The following SCN10A variants were observed in gnomAD, a reference collection of about 807,000 sequenced individuals.
SCN10A encodes sodium voltage-gated channel alpha subunit 10, also known as sodium channel protein type 10 subunit alpha.
A neutral mutation model predicts 170.7 loss-of-function variants in SCN10A; 162 were observed. The observed-to-expected ratio is 0.95, with a 90% CI of 0.84 to 1.08. The LOEUF (loss-of-function observed/expected upper bound fraction) is 1.08, where lower values mean the gene tolerates loss of function less well. SCN10A is among the 50% of genes least tolerant of loss of function. SCN10A has a pLI of 0.00. For synonymous variants in SCN10A, 985 were observed against 904.6 expected, an observed-to-expected ratio of 1.09 and a Z score of -1.59; for missense variants, 2,527 against 2,436.9, an observed-to-expected ratio of 1.04 and a Z score of -0.78.
intron 1 of SCN10A, among the ~76,000 whole-genome samples, chr3:38,807,276 C>A (rs2064410405): frequency 1.3e-5 from 2 of 152,066 alleles, no homozygotes; most frequent in Admixed American, 6.6e-5. Flanking sequence ...AATTTAATAA[C>A]TGATTAAGGT....
At chr3:38,723,051 G>A (rs1236544141) in intron 19 of SCN10A, among the ~76,000 whole-genome samples, 1 of 152,158 alleles carries the variant, frequency 6.6e-6, no homozygotes, top group Non-Finnish European at 1.5e-5. Context: ...AAAGATTGAG[G>A]GAAGCAGATA....
chr3:38,725,327 G>A lies in SCN10A; in HGVS notation c.3088-13C>T, dbSNP rs779830823. 1.2e-5 allele frequency: 18 copies of A among 1,560,090 alleles called. No homozygotes were observed. The highest frequency in any genetic ancestry group is 1.6e-5 in the Non-Finnish European group (18 of 1,140,502). ...GCAGCTGCTCCTGCTAGTGAGAGAG[G>A]GTCCCAACTGGGTGCCTGGCCCCAC... On this transcript the variant is annotated splice_polypyrimidine_tract_variant and intron_variant, in intron 17 of 27. Transcript: ENST00000449082.
chr3:38,771,514 A>G, intron 4 of SCN10A, 107 bp from the exon 5 acceptor site: 2 of 1,154,850 alleles, frequency 1.7e-6, no homozygotes, highest in Non-Finnish European at 2.5e-6. Context: ...TCCAAGAAAA[A>G]ACATGCAAAG....
Position 38,757,094 on chromosome 3 carries a change from A to C in SCN10A, c.1016T>G (p.Phe339Cys), listed in dbSNP as rs2063817056. The C allele has an allele frequency of 6.2e-7, 1 of 1,613,738 alleles. No homozygotes were observed. The highest frequency in any genetic ancestry group is 1.1e-5 in the South Asian group (1 of 91,034). ...GAGGAAAGCCCAAGCAAAGGAATCA[A>C]AGCTGGTGTAGTTAAAATCCGGGTT... ...SDNPDFNYTS[F>C]DSFAWAFLSL... The change falls in exon 9 of 28, where the codon TTT (phenylalanine) becomes TGT (cysteine). Residue 339 changes from phenylalanine to cysteine, a missense_variant. By Grantham distance (205) the Phe-to-Cys change is radical (BLOSUM62 -2). Coordinates refer to ENST00000449082, the MANE Select transcript of SCN10A (RefSeq NM_006514.4).
chr3:38,768,209 A>C (rs1279798512), intron 5 of SCN10A, among the ~76,000 whole-genome samples: 1 of 151,318 alleles, frequency 6.6e-6, no homozygotes, highest in African/African-American at 2.4e-5. Context: ...CCTTCTGTAT[A>C]TTTTAAGTGG....
chr3:38,815,127 C>T (rs2064466546), intron 1 of SCN10A, among the ~76,000 whole-genome samples: 1 of 152,108 alleles, frequency 6.6e-6, no homozygotes, highest in Admixed American at 6.6e-5. Flanking sequence ...CCAAACAAAG[C>T]CAGAACCACA....
intron 13 of SCN10A, among the ~76,000 whole-genome samples, chr3:38,748,577 T>C (rs2063716425): frequency 6.6e-6 from 1 of 152,160 alleles, no homozygotes. Context: ...TTTGCCTGAG[T>C]TGTAGCTCCC....
intron 14 of SCN10A, among the ~76,000 whole-genome samples, chr3:38,741,737 G>A (rs764543219): frequency 1.3e-5 from 2 of 152,124 alleles, no homozygotes; most frequent in Non-Finnish European, 2.9e-5. Context: ...CCAAAGAAAA[G>A]TTCCGACTTC....
intron 24 of SCN10A, among the ~76,000 whole-genome samples, 184 bp downstream of exon 24, chr3:38,710,660 G>T (rs957204164): frequency 9.3e-5 from 14 of 150,190 alleles, no homozygotes; most frequent in Admixed American, 7.3e-4. Flanking sequence ...AAGGGGGAAA[G>T]CCTCGGTGGC....
chr3:38,744,560 A>T (rs1386155870), intron 13 of SCN10A, among the ~76,000 whole-genome samples: 1 of 151,980 alleles, frequency 6.6e-6, no homozygotes, highest in Non-Finnish European at 1.5e-5. Flanking sequence ...CAGGTTAGCC[A>T]CATATGCATA....
At chr3:38,706,920 A>C (rs2063216739) in intron 26 of SCN10A, among the ~76,000 whole-genome samples, 1 of 152,112 alleles carries the variant, frequency 6.6e-6, no homozygotes, top group East Asian at 1.9e-4. Flanking sequence ...TGCGACCTAG[A>C]CCATGATACA....
rs974847489 is a variant in SCN10A, at chr3:38,743,944, A to T, written c.1868-1415T>A. Among the ~76,000 whole-genome samples the T allele has an allele frequency of 1.9e-4, 29 of 152,134 alleles. 1 individual carries two copies. Among genetic ancestry groups the T allele is most frequent in the Non-Finnish European group, 2.9e-5 (2 of 68,022 alleles). On this transcript the variant is annotated intron_variant, in intron 13 of 27. Coordinates refer to ENST00000449082, the MANE Select transcript of SCN10A (RefSeq NM_006514.4). The stretch of plus-strand genomic sequence containing the variant: ...TGGATGTGTAACTGTGTTCACCTCG[A>T]TGGAGGGCAATTTCTTAGCTTTAGG...
chr3:38,707,252 G>A (rs772974795), intron 26 of SCN10A, 27 bp downstream of exon 26: 8 of 1,608,198 alleles, frequency 5.0e-6, no homozygotes, highest in South Asian at 2.2e-5. Context: ...CAGACAGGCT[G>A]TGCTAGAGGA....
rs370917734 is a variant in SCN10A at position 38,789,045 on chromosome 3, C to T, written c.390-9G>A. 6.5e-5 allele frequency: 104 copies of T among 1,588,832 alleles called. No individual in the cohort carries two copies. The East Asian group carries it at 1.5e-3, about 23-fold the overall frequency. ...TAAATAAACTGAACCACCTGAAAGG[C>T]CTGTGTTAAGGAAAAGCTGAGATCA... On this transcript the variant is annotated splice_polypyrimidine_tract_variant and intron_variant, in intron 3 of 27. Coordinates refer to ENST00000449082, the MANE Select transcript of SCN10A (RefSeq NM_006514.4).
chr3:38,785,836 T>C (rs1316316351), intron 4 of SCN10A, among the ~76,000 whole-genome samples: 1 of 152,170 alleles, frequency 6.6e-6, no homozygotes, highest in East Asian at 1.9e-4. Context: ...CAGACACTTC[T>C]CAAAAGAAGA....
chr3:38,800,979 T>C (rs989991216), intron 1 of SCN10A, among the ~76,000 whole-genome samples: 1 of 152,134 alleles, frequency 6.6e-6, no homozygotes, highest in African/African-American at 2.4e-5. Context: ...GTGATGGAAA[T>C]AGCTATGGTT....
At chr3:38,777,942 A>G (rs2064095726) in intron 4 of SCN10A, among the ~76,000 whole-genome samples, 1 of 152,110 alleles carries the variant, frequency 6.6e-6, no homozygotes, top group Non-Finnish European at 1.5e-5. Flanking sequence ...AGAAAGGAAA[A>G]CTGTAACTTT....
At chr3:38,769,487 C>T (rs939390451) in intron 5 of SCN10A, among the ~76,000 whole-genome samples, 2 of 152,090 alleles carry the variant, frequency 1.3e-5, no homozygotes, top group African/African-American at 4.8e-5. Flanking sequence ...GTGATCTGCC[C>T]ACCTTGGCCT....
intron 15 of SCN10A, among the ~76,000 whole-genome samples, chr3:38,737,754 CT>C (rs1228096529): frequency 9.1e-6 from 1 of 109,414 alleles, no homozygotes; most frequent in East Asian, 3.5e-4. Context: ...CCCTCTCTCT[CT>C]CCCTCCCTCC....
Sources: allele counts gnomAD v4.1 joint callset (sites outside exome capture counted in the v4.1 genomes callset), GRCh38; gene constraint gnomAD v4.1.1; transcripts MANE v1.5; gene names NCBI Gene and HGNC (gene_info 2026-07-23, HGNC 2026-07-21).